The following LARS2 variants were observed in gnomAD, a reference collection of about 807,000 sequenced individuals.
LARS2 encodes leucine--tRNA ligase, mitochondrial.
A neutral mutation model predicts 116.6 loss-of-function variants in LARS2; 81 were observed. The ratio of observed to expected loss-of-function variants is 0.69; its 90% CI spans 0.58 to 0.84. The LOEUF is 0.84. Among genes scored for constraint, LARS2 ranks in the 40% least tolerant of loss-of-function variants. The pLI, the probability that LARS2 is intolerant of heterozygous loss-of-function variation, is 0.00. For synonymous variants in LARS2, 396 were observed against 407.2 expected (o/e 0.97, Z 0.33); for missense variants, 968 against 1,114.5 (o/e 0.87, Z 1.87).
intron 20 of LARS2, among the ~76,000 whole-genome samples, chr3:45,535,867 A>G (rs1426235612): frequency 6.6e-6 from 1 of 152,196 alleles, no homozygotes; most frequent in East Asian, 1.9e-4. Context: ...TGATATTGTG[A>G]TATAATCATG....
chr3:45,474,343 C>T lies in LARS2; in HGVS notation c.851C>T (p.Thr284Ile). The T allele has an allele frequency of 6.3e-7, 1 of 1,589,750 alleles. No homozygotes were observed. The highest frequency in any genetic ancestry group is 8.6e-7 in the Non-Finnish European group (1 of 1,159,802). The change falls in exon 9 of 22, where the codon ACA (threonine) becomes ATA (isoleucine). Residue 284 changes from threonine to isoleucine, a missense_variant. Coordinates refer to ENST00000645846, the MANE Select transcript of LARS2 (RefSeq NM_015340.4). ...TGTGTGGGCTGCCACCTGGACTTCACATTAAAGGTGATTAAGTAATAGCAG... is the reference window on the plus strand; with the variant it reads ...TGTGTGGGCTGCCACCTGGACTTCATATTAAAGGTGATTAAGTAATAGCAG... ...GDCVGCHLDF[T>I]LKVHGQATGE... is the part of the protein sequence containing the mutation.
intron 7 of LARS2, among the ~76,000 whole-genome samples, chr3:45,449,888 CTT>C (rs1699095552): frequency 6.6e-6 from 1 of 152,152 alleles, no homozygotes; most frequent in Admixed American, 6.5e-5. Context: ...GTGTTTAAGT[CTT>C]TTGTTCTTAA....
Position 45,419,713 on chromosome 3 carries a change from G to A in LARS2, c.500G>A (p.Cys167Tyr), listed in dbSNP as rs897347069. The A allele has an allele frequency of 9.9e-6, 16 of 1,613,612 alleles. No individual in the cohort carries two copies. Among genetic ancestry groups the A allele is most frequent in the African/African-American group, 1.3e-5 (1 of 74,900 alleles). Residue 167 changes from cysteine (C) to tyrosine (Y), a missense_variant, in exon 6 of 22, where the codon TGT becomes TAT. By Grantham distance (194) the Cys-to-Tyr change is radical (BLOSUM62 -2). Coordinates refer to ENST00000645846, the MANE Select transcript of LARS2 (RefSeq NM_015340.4). The part of the protein sequence containing the change: ...MRKQLDRLGL[C>Y]FSWDREITTC... ...AAACAGCTTGATCGTCTGGGCCTGT[G>A]TTTCAGCTGGGATAGGGTAAGTCAA...
At chr3:45,415,878 G>C (rs7621266) in intron 4 of LARS2, among the ~76,000 whole-genome samples, 4 of 81,672 alleles carry the variant, frequency 4.9e-5, no homozygotes, top group Admixed American at 4.3e-4. Context: ...TATATATATA[G>C]AGAGAGAGAG....
intron 13 of LARS2, among the ~76,000 whole-genome samples, chr3:45,494,116 A>G (rs1699969764): frequency 6.6e-6 from 1 of 152,110 alleles, no homozygotes; most frequent in South Asian, 2.1e-4. Context: ...CTCTCTCTGA[A>G]AAGCTTCTAC....
intron 3 of LARS2, among the ~76,000 whole-genome samples, chr3:45,396,204 T>C (rs1698040982): frequency 6.6e-6 from 1 of 152,202 alleles, no homozygotes. Context: ...TAAGGGGCAT[T>C]GTGTGTGATC....
At chr3:45,453,997 G>C (rs940172988) in intron 7 of LARS2, among the ~76,000 whole-genome samples, 5 of 152,102 alleles carry the variant, frequency 3.3e-5, no homozygotes, top group Non-Finnish European at 7.4e-5. Flanking sequence ...GATCTAGAAG[G>C]GACAGGCACC....
chr3:45,400,416 G>T (rs777900391), intron 4 of LARS2, 43 bp downstream of exon 4: 4 of 1,557,282 alleles, frequency 2.6e-6, no homozygotes, highest in South Asian at 2.4e-5. Flanking sequence ...TCTGCCACAC[G>T]CAGGGTTGGC....
rs55773346 is a variant in LARS2, at chr3:45,399,466, T to TTTTTGTTTTG, written c.235-759_235-750dup. ...GAAGCTGTCTTAAAAGAGAAGTGTT[T>TTTTTGTTTTG]TTTTGTTTTGTTTTGTTTTGTTTTG... is the stretch of plus-strand genomic sequence containing the variant. On this transcript the variant is annotated intron_variant, in intron 3 of 21. Transcript: ENST00000645846. Among the ~76,000 whole-genome samples, 965 of 151,724 alleles carry TTTTTGTTTTG rather than the reference T, an allele frequency of 6.4e-3. 11 individuals carry two copies. The highest frequency in any genetic ancestry group is 0.014 in the Admixed American group (210 of 15,178).
intron 6 of LARS2, chr3:45,421,654 C>T (rs762959466): frequency 2.6e-5 from 4 of 152,142 alleles, no homozygotes; most frequent in Non-Finnish European, 4.4e-5. Flanking sequence ...TTATGACTGC[C>T]GTGCTCCTCC....
At chr3:45,520,031 A>G (rs1347726205) in intron 18 of LARS2, among the ~76,000 whole-genome samples, 188 bp from the exon 19 acceptor site, 1 of 152,196 alleles carries the variant, frequency 6.6e-6, no homozygotes, top group Non-Finnish European at 1.5e-5. Flanking sequence ...CAGTGGAAAC[A>G]GTGTTGACTT....
At chr3:45,474,171 G>T in intron 8 of LARS2, 72 bp from the exon 9 acceptor site, 1 of 918,280 alleles carries the variant, frequency 1.1e-6, no homozygotes. Flanking sequence ...ACCTTAACAA[G>T]CTGCAAATCA....
chr3:45,520,156 G>C, intron 18 of LARS2, 63 bp from the exon 19 acceptor site: 3 of 1,149,012 alleles, frequency 2.6e-6, no homozygotes, highest in Non-Finnish European at 3.9e-6. Context: ...TGATAATTCA[G>C]TCTTTTTGTG....
intron 18 of LARS2, among the ~76,000 whole-genome samples, chr3:45,518,725 G>C (rs749135033): frequency 6.6e-5 from 10 of 151,792 alleles, no homozygotes; most frequent in Non-Finnish European, 8.8e-5. Flanking sequence ...TTCTTCTTAA[G>C]CTGATTTAAA....
chr3:45,443,148 GA>G (rs1041255160), intron 6 of LARS2, among the ~76,000 whole-genome samples: 1 of 152,172 alleles, frequency 6.6e-6, no homozygotes, highest in African/African-American at 2.4e-5. Context: ...GAGAAGGGAA[GA>G]AAGGACTATT....
chr3:45,544,457 A>G (rs1436611795), intron 21 of LARS2, among the ~76,000 whole-genome samples: 1 of 152,226 alleles, frequency 6.6e-6, no homozygotes, highest in Admixed American at 6.5e-5. Context: ...GGAAGTGCTT[A>G]GCCTGCTTCT....
At chr3:45,432,406 A>G (rs1413934160) in intron 6 of LARS2, among the ~76,000 whole-genome samples, 1 of 152,192 alleles carries the variant, frequency 6.6e-6, no homozygotes. Flanking sequence ...TTAGGCCACA[A>G]ATTAAGTCTA....
At chr3:45,541,163 C>T (rs1700789590) in intron 20 of LARS2, among the ~76,000 whole-genome samples, 1 of 152,162 alleles carries the variant, frequency 6.6e-6, no homozygotes, top group Non-Finnish European at 1.5e-5. Context: ...CCTCTGCTAC[C>T]CTTAGTGCCA....
chr3:45,544,507 C>T (rs935288226), intron 21 of LARS2, among the ~76,000 whole-genome samples: 25 of 152,244 alleles, frequency 1.6e-4, no homozygotes, highest in Admixed American at 4.6e-4. Flanking sequence ...ACAGAGTGAG[C>T]GCCGACCCAG....
Sources: gnomAD v4.1 joint callset for allele counts (sites outside exome capture counted in the v4.1 genomes callset) on GRCh38, gnomAD v4.1.1 for gene constraint, MANE v1.5 for transcripts, NCBI Gene and HGNC (gene_info 2026-07-23, HGNC 2026-07-21) for gene names.